Variants in EXOC2 observed in about 807,000 individuals in gnomAD.
EXOC2 encodes the protein SEC5-like 1.
EXOC2 carries 70 observed loss-of-function variants against 131.8 expected under a neutral mutation model. The ratio of observed to expected loss-of-function variants is 0.53; its 90% CI spans 0.44 to 0.65. EXOC2 has a LOEUF of 0.65. Among genes scored for constraint, EXOC2 ranks in the 30% least tolerant of loss-of-function variants. EXOC2 has a pLI of 0.00. For missense variants in EXOC2, 923 were observed against 1,108.6 expected, an observed-to-expected ratio of 0.83 and a Z score of 2.38; for synonymous variants, 411 against 398.4, an observed-to-expected ratio of 1.03 and a Z score of -0.38.
At chr6:633,283 C>T (rs1167708784) in intron 2 of EXOC2, among the ~76,000 whole-genome samples, 166 bp from the exon 3 acceptor site, 1 of 152,150 alleles carries the variant, frequency 6.6e-6, no homozygotes, top group African/African-American at 2.4e-5. Context: ...TTTCCTCTTA[C>T]CTGTTTTTTT....
At chr6:612,859 C>T (rs192043454) in intron 6 of EXOC2, among the ~76,000 whole-genome samples, 4 of 152,252 alleles carry the variant, frequency 2.6e-5, no homozygotes, top group Admixed American at 6.5e-5. Context: ...CAGTTTTGAC[C>T]CACAGTTGTT....
At chr6:656,974 C>G in intron 1 of EXOC2, 3 of 1,486,236 alleles carry the variant, frequency 2.0e-6, no homozygotes, top group Non-Finnish European at 2.7e-6. Context: ...CTGGGGGCCT[C>G]TGAGGGGGAT....
intron 23 of EXOC2, among the ~76,000 whole-genome samples, chr6:505,717 T>C (rs1764512170): frequency 6.6e-6 from 1 of 152,156 alleles, no homozygotes; most frequent in African/African-American, 2.4e-5. Context: ...CAACTGTCTC[T>C]CCTATTGGAC....
intron 11 of EXOC2, among the ~76,000 whole-genome samples, chr6:590,744 CTCT>C (rs1215311187): frequency 6.6e-6 from 1 of 152,166 alleles, no homozygotes; most frequent in Non-Finnish European, 1.5e-5. Flanking sequence ...TTGAAGGCTT[CTCT>C]TCTTCTACCA....
At chr6:572,388 C>A (rs763174469) in intron 13 of EXOC2, 132 bp downstream of exon 13, 96 of 1,178,120 alleles carry the variant, frequency 8.1e-5, no homozygotes, top group Admixed American at 6.4e-4. Flanking sequence ...AATGCTTTAA[C>A]TGATTTTAAA....
At chr6:677,044 C>G (rs374509586) in intron 1 of EXOC2, among the ~76,000 whole-genome samples, 589 of 41,338 alleles carry the variant, frequency 0.014, 79 homozygotes, top group East Asian at 0.11. Context: ...GAAAGGACAG[C>G]TTTCTCTGGA....
intron 1 of EXOC2, among the ~76,000 whole-genome samples, chr6:684,090 C>G (rs1421171073): frequency 6.6e-6 from 1 of 151,248 alleles, no homozygotes; most frequent in Admixed American, 6.5e-5. Context: ...ACCACACACT[C>G]GGACCACACA....
intron 1 of EXOC2, among the ~76,000 whole-genome samples, chr6:671,815 T>C (rs1228432949): frequency 6.6e-6 from 1 of 152,178 alleles, no homozygotes; most frequent in African/African-American, 2.4e-5. Flanking sequence ...AAGGTGTCCA[T>C]CTCATCCCCA....
At chr6:547,840 A>G (rs1190888190) in intron 22 of EXOC2, among the ~76,000 whole-genome samples, 1 of 152,196 alleles carries the variant, frequency 6.6e-6, no homozygotes, top group East Asian at 1.9e-4. Context: ...GGACAAAGAC[A>G]AGGAAGGATA....
intron 23 of EXOC2, among the ~76,000 whole-genome samples, chr6:511,097 AC>A (rs1764820631): frequency 1.3e-5 from 2 of 152,166 alleles, no homozygotes; most frequent in Non-Finnish European, 2.9e-5. Flanking sequence ...TGGGGTCCTG[AC>A]CCCTATTTTC....
Position 555,254 on chromosome 6 carries a change from T to A in EXOC2, c.2027A>T (p.Lys676Met). ...TGTAGTATCTATATCTGCATCAGGC[T>A]TGGTGCTCAACTGTTCCAGACAGTA... ...FIYCLEQLST[K>M]PDADIDTTHL... Residue 676 changes from lysine to methionine, a missense_variant, in exon 20 of 28, where the codon AAG (lysine) becomes ATG (methionine). Transcript: ENST00000230449. 1 of 1,529,238 alleles carries A rather than the reference T, an allele frequency of 6.5e-7. No homozygotes were observed. The highest frequency in any genetic ancestry group is 8.9e-7 in the Non-Finnish European group (1 of 1,125,034). The allele number at this position is 1,529,238 out of a possible 1,614,324, so 94.7% of individuals were successfully genotyped here. A position where few individuals can be genotyped will look rare whatever the true frequency, so the allele number is the denominator to read the frequency against.
chr6:609,107 TACCAAG>T (rs1188234873), intron 7 of EXOC2, among the ~76,000 whole-genome samples: 1 of 152,250 alleles, frequency 6.6e-6, no homozygotes, highest in Non-Finnish European at 1.5e-5. Context: ...CAAATGCTAC[TACCAAG>T]AGAACACTTC....
intron 23 of EXOC2, among the ~76,000 whole-genome samples, chr6:507,249 CCACACACACACAGCAGTGACTACA>C (rs1764609154): frequency 4.9e-5 from 4 of 81,486 alleles, no homozygotes; most frequent in East Asian, 4.0e-4. Context: ...AGTGACCCCC[CCACACACACACAGCAGTGACTACA>C]CACACACACA....
At chr6:489,149 G>A in intron 26 of EXOC2, 111 bp from the exon 27 acceptor site, 1 of 927,558 alleles carries the variant, frequency 1.1e-6, no homozygotes, top group Non-Finnish European at 1.6e-6. Flanking sequence ...GTGAAGCAAG[G>A]AAATATGAGA....
intron 1 of EXOC2, among the ~76,000 whole-genome samples, chr6:661,532 A>G (rs1031192008): frequency 1.3e-5 from 2 of 152,178 alleles, no homozygotes; most frequent in African/African-American, 4.8e-5. Context: ...TTTTGTATCC[A>G]TTGAACCTAT....
Position 520,757 on chromosome 6 carries a change from C to T in EXOC2, c.2380+11712G>A, listed in dbSNP as rs374099951. Among the ~76,000 whole-genome samples, 14 of 141,308 alleles carry T rather than the reference C, an allele frequency of 9.9e-5. No homozygotes were observed. The South Asian group carries it at 3.1e-3, about 32-fold the overall frequency. 92.7% of individuals were successfully genotyped at this position (141,308 alleles called of 152,430 possible). On this transcript the variant is annotated intron_variant, in intron 23 of 27. Coordinates refer to ENST00000230449, the MANE Select transcript of EXOC2 (RefSeq NM_018303.6). Reference sequence around the variant, plus strand: ...AGCGCCGACACTCACCGTCCACACTCGGACATGAAAACCACCACCCACCGA... The same window carrying T: ...AGCGCCGACACTCACCGTCCACACTTGGACATGAAAACCACCACCCACCGA...
Position 592,590 on chromosome 6 carries a change from G to C in EXOC2, c.1074-3C>G. On this transcript the variant is annotated splice_region_variant and splice_polypyrimidine_tract_variant and intron_variant, in intron 10 of 27. Transcript: ENST00000230449. Reference sequence around the variant, plus strand: ...ACGCATGAAGGTCAGACAGGTACCTGAAAAAGCAAGTCCAAGGTTGAGGCC... The same window carrying C: ...ACGCATGAAGGTCAGACAGGTACCTCAAAAAGCAAGTCCAAGGTTGAGGCC... The C allele has an allele frequency of 6.8e-6, 11 of 1,611,022 alleles. No individual in the cohort carries two copies. The highest frequency in any genetic ancestry group is 9.3e-6 in the Non-Finnish European group (11 of 1,177,864).
At chr6:599,331 C>A in intron 7 of EXOC2, 106 bp from the exon 8 acceptor site, 2 of 1,044,150 alleles carry the variant, frequency 1.9e-6, no homozygotes, top group Non-Finnish European at 2.6e-6. Context: ...TGTAGTTTTA[C>A]GTTAAAACTC....
In EXOC2 at chr6:599,065, A is replaced by G; in HGVS notation, c.888+15T>C. On this transcript the variant is annotated intron_variant, in intron 8 of 27. Transcript: ENST00000230449. ...CATCTACAACCATATGTAAATAAATAAACATGTACTCTACCTTTTGAATAT... is the reference window on the plus strand; with the variant it reads ...CATCTACAACCATATGTAAATAAATGAACATGTACTCTACCTTTTGAATAT... 1 of 1,593,410 alleles carries G rather than the reference A, an allele frequency of 6.3e-7. No individual in the cohort carries two copies. Among genetic ancestry groups the G allele is most frequent in the Non-Finnish European group, 8.5e-7 (1 of 1,169,688 alleles).
Sources: gnomAD v4.1 joint callset for allele counts (sites outside exome capture counted in the v4.1 genomes callset) on GRCh38, gnomAD v4.1.1 for gene constraint, MANE v1.5 for transcripts, NCBI Gene and HGNC (gene_info 2026-07-23, HGNC 2026-07-21) for gene names.